Variants in NRG3 observed in about 807,000 individuals in gnomAD.
NRG3 encodes the protein neuregulin 3, also known as pro-neuregulin-3, membrane-bound isoform.
In NRG3, 31 loss-of-function variants were observed where a neutral mutation model predicts 66.9. That is an observed-to-expected ratio of 0.46 (90% CI 0.35 to 0.63). NRG3 has a LOEUF of 0.63. Ranked by LOEUF, NRG3 falls within the 20% of genes least tolerant of loss-of-function variation. NRG3 has a pLI of 0.00. For missense variants in NRG3, 910 were observed against 878.9 expected (o/e 1.04, Z -0.45); for synonymous variants, 393 against 359.4 (o/e 1.09, Z -1.06).
Position 82,761,890 on chromosome 10 carries a change from TCTTC to T in NRG3, c.1027+23246_1027+23249del, listed in dbSNP as rs1014280819. On this transcript the variant is annotated intron_variant, in intron 3 of 8. Transcript: ENST00000372141. ...TTCCTTTTTTTCTTCTTTCTTCCTT[TCTTC>T]CTTCCGTTCTTTCTTCTTTCTTTCT... Among the ~76,000 whole-genome samples the T allele has an allele frequency of 1.4e-3, 205 of 151,370 alleles. 3 individuals carry two copies. Among genetic ancestry groups the T allele is most frequent in the African/African-American group, 3.6e-3 (150 of 41,316 alleles).
At chr10:82,339,129 A>G (rs934074387) in intron 1 of NRG3, among the ~76,000 whole-genome samples, 1 of 152,212 alleles carries the variant, frequency 6.6e-6, no homozygotes, top group African/African-American at 2.4e-5. Flanking sequence ...GCGTATCCCT[A>G]AGACCTGGAT....
At chr10:82,252,985 G>GCATCCA (rs2077557317) in intron 1 of NRG3, among the ~76,000 whole-genome samples, 1 of 152,076 alleles carries the variant, frequency 6.6e-6, no homozygotes, top group Non-Finnish European at 1.5e-5. Flanking sequence ...ACAGACCTCA[G>GCATCCA]CATCCACAGA....
chr10:82,843,295 T>A (rs1488304253), intron 3 of NRG3: 2 of 449,520 alleles, frequency 4.4e-6, no homozygotes, highest in Non-Finnish European at 9.0e-6. Flanking sequence ...GGGACGGGTG[T>A]CATTCTCAAA....
At chr10:82,021,502 T>A (rs1366102336) in intron 1 of NRG3, among the ~76,000 whole-genome samples, 1 of 152,072 alleles carries the variant, frequency 6.6e-6, no homozygotes, top group Non-Finnish European at 1.5e-5. Context: ...TTAACAGGAA[T>A]TGGCTTTGTG....
At chr10:82,632,827 C>G (rs1224712616) in intron 2 of NRG3, among the ~76,000 whole-genome samples, 3 of 152,046 alleles carry the variant, frequency 2.0e-5, no homozygotes, top group Admixed American at 1.3e-4. Context: ...ATTTAATACC[C>G]CATTAACTCA....
At chr10:82,204,820 C>T (rs1210931876) in intron 1 of NRG3, among the ~76,000 whole-genome samples, 1 of 152,158 alleles carries the variant, frequency 6.6e-6, no homozygotes, top group African/African-American at 2.4e-5. Context: ...GCTATTTAAG[C>T]TCCTTCTTTC....
chr10:82,503,847 A>G (rs671821), intron 2 of NRG3, among the ~76,000 whole-genome samples: 52,544 of 152,042 alleles, frequency 0.35, 10,334 homozygotes, highest in African/African-American at 0.54. Context: ...CAGTCAAGCT[A>G]TGGAATGTTG....
At chr10:82,919,142 A>G (rs774919358) in intron 4 of NRG3, among the ~76,000 whole-genome samples, 22 of 151,444 alleles carry the variant, frequency 1.5e-4, no homozygotes, top group Non-Finnish European at 2.5e-4. Flanking sequence ...TGAAAAAGTC[A>G]TCTCCATTTT....
At chr10:82,071,349 T>A (rs991509747) in intron 1 of NRG3, among the ~76,000 whole-genome samples, 1 of 151,936 alleles carries the variant, frequency 6.6e-6, no homozygotes, top group African/African-American at 2.4e-5. Flanking sequence ...TAGAGTTAGG[T>A]GGAGGAAGGG....
intron 2 of NRG3, among the ~76,000 whole-genome samples, chr10:82,414,622 G>A (rs1219331432): frequency 6.6e-6 from 1 of 152,088 alleles, no homozygotes; most frequent in Non-Finnish European, 1.5e-5. Context: ...ATCAAGTGAA[G>A]CACAATAAAA....
intron 4 of NRG3, among the ~76,000 whole-genome samples, chr10:82,919,510 T>C (rs1846213828): frequency 6.6e-6 from 1 of 152,194 alleles, no homozygotes; most frequent in Non-Finnish European, 1.5e-5. Context: ...GATCTTCCAC[T>C]ATGCATGAAT....
At chr10:82,639,903 C>T (rs184908718) in intron 2 of NRG3, among the ~76,000 whole-genome samples, 155 of 152,150 alleles carry the variant, frequency 1.0e-3, no homozygotes, top group Middle Eastern at 3.4e-3. Flanking sequence ...ATTGTTTTCC[C>T]GATCCTCTCC....
intron 3 of NRG3, among the ~76,000 whole-genome samples, chr10:82,763,140 T>C (rs767958914): frequency 2.6e-5 from 4 of 152,174 alleles, no homozygotes; most frequent in Non-Finnish European, 5.9e-5. Context: ...TGGGGAACAA[T>C]TGTTTCATGT....
chr10:81,926,296 A>G (rs1450025490), intron 1 of NRG3, among the ~76,000 whole-genome samples: 1 of 151,248 alleles, frequency 6.6e-6, no homozygotes, highest in African/African-American at 2.4e-5. Context: ...TTTTTTTTGT[A>G]TTTTTAGTAG....
chr10:82,774,832 T>C (rs2059847657), intron 3 of NRG3, among the ~76,000 whole-genome samples: 2 of 139,490 alleles, frequency 1.4e-5, no homozygotes, highest in Non-Finnish European at 3.1e-5. Flanking sequence ...TTTTTTTTTT[T>C]TTTTTTTTTT....
At chr10:82,167,085 T>C (rs1398196308) in intron 1 of NRG3, among the ~76,000 whole-genome samples, 1 of 152,078 alleles carries the variant, frequency 6.6e-6, no homozygotes, top group Non-Finnish European at 1.5e-5. Flanking sequence ...TATATAGTTT[T>C]ATTCTTTTTA....
chr10:82,813,214 T>C (rs1446758295), intron 3 of NRG3, among the ~76,000 whole-genome samples: 1 of 145,340 alleles, frequency 6.9e-6, no homozygotes, highest in African/African-American at 2.5e-5. Context: ...TGTTTCTCTT[T>C]TTTTTTTTTT....
intron 1 of NRG3, among the ~76,000 whole-genome samples, chr10:82,051,839 G>A (rs2063607110): frequency 1.4e-5 from 2 of 147,728 alleles, no homozygotes. Flanking sequence ...CTTTACTTGA[G>A]ATCTGTTGAA....
intron 6 of NRG3, among the ~76,000 whole-genome samples, chr10:82,961,303 T>C (rs1644573953): frequency 6.6e-6 from 1 of 152,210 alleles, no homozygotes; most frequent in African/African-American, 2.4e-5. Context: ...ATTAATATTG[T>C]TAAATGATGA....
Sources: gnomAD v4.1 joint callset for allele counts (sites outside exome capture counted in the v4.1 genomes callset) on GRCh38, gnomAD v4.1.1 for gene constraint, MANE v1.5 for transcripts, NCBI Gene and HGNC (gene_info 2026-07-23, HGNC 2026-07-21) for gene names.